Variants in FNDC7 observed in about 807,000 individuals in gnomAD.
The protein encoded by FNDC7 is fibronectin type III domain-containing protein 7.
FNDC7 carries 66 observed loss-of-function variants against 74.2 expected under a neutral mutation model. The observed-to-expected ratio is 0.89, with a 90% confidence interval of 0.73 to 1.09. The LOEUF is 1.09. Ranked by LOEUF, FNDC7 falls within the 50% of genes least tolerant of loss-of-function variation. The pLI is 0.00. For synonymous variants in FNDC7, 307 were observed against 330.2 expected (o/e 0.93, Z 0.76); for missense variants, 829 against 893.4 (o/e 0.93, Z 0.92).
Position 108,733,378 on chromosome 1 carries a change from T to C in FNDC7, c.1986T>C (p.Tyr662=). The change falls in exon 10 of 13, where the codon TAT becomes TAC. Residue 662 remains tyrosine (Y), a synonymous_variant. Transcript: ENST00000370017. ...RGSANYSTDL[Y]GSKGIFTCTP... ...CTGCCAATTACAGCACTGACCTCTA[T>C]GGCTCCAAAGGCATTTTCACGTGCA... 1 of 1,614,188 alleles carries C rather than the reference T, an allele frequency of 6.2e-7. No individual in the cohort carries two copies. Among genetic ancestry groups the C allele is most frequent in the East Asian group, 2.2e-5 (1 of 44,876 alleles).
chr1:108,725,626 C>A (rs1661192693), intron 5 of FNDC7, 124 bp from the exon 6 acceptor site: 14 of 1,075,450 alleles, frequency 1.3e-5, no homozygotes, highest in East Asian at 2.6e-5. Context: ...TTTTGTGCAC[C>A]AAATTCAATC....
At chr1:108,735,545 G>A (rs956804263) in intron 10 of FNDC7, among the ~76,000 whole-genome samples, 1 of 152,002 alleles carries the variant, frequency 6.6e-6, no homozygotes, top group Non-Finnish European at 1.5e-5. Context: ...TTTTCTAGTA[G>A]CCATATTAAA....
intron 10 of FNDC7, among the ~76,000 whole-genome samples, chr1:108,734,050 C>T (rs1364502697): frequency 6.6e-6 from 1 of 152,194 alleles, no homozygotes; most frequent in Non-Finnish European, 1.5e-5. Context: ...AGATTATCTT[C>T]TCTGTCCCAC....
In FNDC7 at chr1:108,728,709, G is replaced by T. The variant is rs1349640495; in HGVS notation, c.1447G>T (p.Asp483Tyr). 6.2e-7 allele frequency: 1 copy of T among 1,614,260 alleles called. No homozygotes were observed. Among genetic ancestry groups the T allele is most frequent in the South Asian group, 1.1e-5 (1 of 91,090 alleles). ...TAATGTGCACTGGCGATCCACTAAT[G>T]ATGATGCTACTTACACGGTGACTGC... ...MINVHWRSTN[D>Y]DATYTVTAQG... is the part of the protein sequence containing the mutation. Residue 483 changes from aspartate (D) to tyrosine (Y), a missense_variant, in exon 8 of 13, where the codon GAT becomes TAT. Transcript: ENST00000370017.
At chr1:108,737,028 C>T (rs374535063) in intron 10 of FNDC7, among the ~76,000 whole-genome samples, 4 of 130,022 alleles carry the variant, frequency 3.1e-5, no homozygotes, top group South Asian at 2.5e-4. Context: ...AGTGCAATGG[C>T]GCAATCTCAG....
At chr1:108,726,420 T>A (rs552924798) in intron 6 of FNDC7, among the ~76,000 whole-genome samples, 1 of 152,358 alleles carries the variant, frequency 6.6e-6, no homozygotes, top group East Asian at 1.9e-4. Context: ...GTAGGACACC[T>A]GGGTTTACAC....
intron 1 of FNDC7, 82 bp downstream of exon 1, chr1:108,713,078 G>A: frequency 2.4e-6 from 3 of 1,252,810 alleles, no homozygotes; most frequent in Non-Finnish European, 3.4e-6. Flanking sequence ...TTTTTTTTGA[G>A]GAGTTGGGGA....
rs148507979 is a variant in FNDC7, at chr1:108,730,867, A to G, written c.1818A>G (p.Thr606=). The change falls in exon 9 of 13, where the codon ACA becomes ACG. Residue 606 remains threonine, a synonymous_variant. Coordinates refer to ENST00000370017, the MANE Select transcript of FNDC7 (RefSeq NM_001144937.3). ...CITCGINYTV[T]LKAISATGLT... ...CATGTGGCATCAATTACACAGTGAC[A>G]TTAAAAGCAATTAGTGCCACCGGGT... 1.5e-4 allele frequency: 236 copies of G among 1,613,994 alleles called. 2 individuals carry two copies. In the East Asian group the frequency reaches 5.1e-3, roughly 35 times the overall value.
rs67731443 is a variant in FNDC7 at position 108,732,341 on chromosome 1, C to CAAAAAA, written c.1880-916_1880-911dup. On this transcript the variant is annotated intron_variant, in intron 9 of 12. Coordinates refer to ENST00000370017, the MANE Select transcript of FNDC7 (RefSeq NM_001144937.3). ...TGGGCAACAGAGCGAGACTCCGTCTCAAAAAAAAAAAAAAAAAAAATACTA... is the reference window on the plus strand; with the variant it reads ...TGGGCAACAGAGCGAGACTCCGTCTCAAAAAAAAAAAAAAAAAAAAAAAAAATACTA... 4.5e-3 allele frequency among the ~76,000 whole-genome samples: 466 copies of CAAAAAA among 103,116 alleles called. 9 individuals carry two copies. The highest frequency in any genetic ancestry group is 0.013 in the African/African-American group (340 of 25,258). 67.6% of individuals were successfully genotyped at this position (103,116 alleles called of 152,430 possible). A position where few individuals can be genotyped will look rare whatever the true frequency, so the allele number is the denominator to read the frequency against.
rs922031066 is a variant in FNDC7 at position 108,741,624 on chromosome 1, T to A, written c.2171-149T>A. ...ATCAGTTTGAACACTTTGTCAGTTG[T>A]CATAGTTTCATGTTTACTTGCCGTG... is the stretch of plus-strand genomic sequence containing the variant. On this transcript the variant is annotated intron_variant, in intron 11 of 12. Transcript: ENST00000370017. The A allele has an allele frequency of 7.6e-6, 6 of 792,582 alleles. No individual in the cohort carries two copies. In the African/African-American group the frequency reaches 1.0e-4, roughly 14 times the overall value. 49.1% of individuals were successfully genotyped at this position (792,582 alleles called of 1,614,324 possible).
chr1:108,740,604 A>C (rs1661621919), intron 11 of FNDC7, among the ~76,000 whole-genome samples: 1 of 152,162 alleles, frequency 6.6e-6, no homozygotes, highest in Non-Finnish European at 1.5e-5. Context: ...CTGGGATTAC[A>C]GGCGTGAGCC....
At chr1:108,733,574 C>T in intron 10 of FNDC7, 42 bp downstream of exon 10, 1 of 1,578,674 alleles carries the variant, frequency 6.3e-7, no homozygotes, top group South Asian at 1.1e-5. Context: ...TAACCCTGAA[C>T]TCATATCTGT....
intron 8 of FNDC7, among the ~76,000 whole-genome samples, chr1:108,729,574 C>A (rs1661299021): frequency 6.6e-6 from 1 of 151,934 alleles, no homozygotes; most frequent in Non-Finnish European, 1.5e-5. Context: ...TGCTTTCTGA[C>A]TTTCAATTTC....
Position 108,730,899 on chromosome 1 carries a change from C to A in FNDC7, c.1850C>A (p.Ala617Glu). Residue 617 changes from alanine (A) to glutamate (E), a missense_variant, in exon 9 of 13, where the codon GCA becomes GAA. Coordinates refer to ENST00000370017, the MANE Select transcript of FNDC7 (RefSeq NM_001144937.3). Reference sequence around the variant, plus strand: ...GCAATTAGTGCCACCGGGTTGACTGCAGATTGCTCCTACCAAAGTTATTTC... The same window carrying A: ...GCAATTAGTGCCACCGGGTTGACTGAAGATTGCTCCTACCAAAGTTATTTC... ...LKAISATGLT[A>E]DCSYQSYFSG... 6.2e-7 allele frequency: 1 copy of A among 1,612,666 alleles called. No individual in the cohort carries two copies. Among genetic ancestry groups the A allele is most frequent in the Non-Finnish European group, 8.5e-7 (1 of 1,179,252 alleles).
chr1:108,717,905 A>G lies in FNDC7; in HGVS notation c.211A>G (p.Thr71Ala), dbSNP rs1661012291. 1.3e-6 allele frequency: 2 copies of G among 1,551,718 alleles called. No individual in the cohort carries two copies. Among genetic ancestry groups the G allele is most frequent in the Non-Finnish European group, 8.7e-7 (1 of 1,147,004 alleles). The change falls in exon 3 of 13, where the codon ACC becomes GCC. Residue 71 changes from threonine to alanine, a missense_variant. Transcript: ENST00000370017. ...TAEDGDTVIE[T>A]TVANSPGTVT... ...TGAAGACGGGGACACAGTCATTGAA[A>G]CCACGGTGGCCAATTCCCCAGGCAC...
chr1:108,720,767 T>G (rs142393169), intron 4 of FNDC7, among the ~76,000 whole-genome samples: 58 of 152,280 alleles, frequency 3.8e-4, no homozygotes, highest in African/African-American at 1.3e-3. Context: ...CCAAATTTAT[T>G]CTTTTAATAA....
At chr1:108,739,205 G>A (rs1661584703) in intron 11 of FNDC7, among the ~76,000 whole-genome samples, 2 of 152,216 alleles carry the variant, frequency 1.3e-5, no homozygotes, top group Admixed American at 1.3e-4. Context: ...CACAAAAGGT[G>A]GGGTGGCAAG....
intron 11 of FNDC7, among the ~76,000 whole-genome samples, 181 bp downstream of exon 11, chr1:108,737,705 C>T (rs1382302382): frequency 6.6e-6 from 1 of 152,198 alleles, no homozygotes; most frequent in Non-Finnish European, 1.5e-5. Context: ...TGAGATTCCA[C>T]CAGTTGAGAT....
intron 7 of FNDC7, 121 bp downstream of exon 7, chr1:108,728,186 G>A: frequency 1.7e-6 from 2 of 1,196,652 alleles, no homozygotes; most frequent in South Asian, 1.4e-5. Flanking sequence ...AATCTTTGTG[G>A]AGACCAAGAG....
Sources: gnomAD v4.1 joint callset for allele counts (sites outside exome capture counted in the v4.1 genomes callset) on GRCh38, gnomAD v4.1.1 for gene constraint, MANE v1.5 for transcripts, NCBI Gene and HGNC (gene_info 2026-07-23, HGNC 2026-07-21) for gene names.